Variants in DIABLO observed in about 807,000 individuals in gnomAD.
The protein encoded by DIABLO is diablo homolog, mitochondrial.
Under a neutral mutation model 31.7 loss-of-function variants are expected in DIABLO, and 32 were observed. The ratio of observed to expected loss-of-function variants is 1.01; its 90% CI spans 0.76 to 1.35. The LOEUF is 1.35. Ranked by LOEUF, DIABLO falls within the 40% of genes most tolerant of loss-of-function variation. The pLI is 0.00. For synonymous variants in DIABLO, 132 were observed against 103.2 expected (o/e 1.28, Z -1.69); for missense variants, 316 against 286.4 (o/e 1.10, Z -0.75).
rs371241484 is a variant in DIABLO, at chr12:122,208,422, G to T, written c.679C>A (p.Arg227=). 6.2e-7 allele frequency: 1 copy of T among 1,613,466 alleles called. No individual in the cohort carries two copies. ...RQKTQEEGEE[R]AESEQEAYLR... is the part of the protein sequence containing the mutation. ...TAGGCCTCCTGCTCCGACTCAGCCCGCTCCTCCCCTTCCTCCTGTGTTTTC... is the reference window on the plus strand; with the variant it reads ...TAGGCCTCCTGCTCCGACTCAGCCCTCTCCTCCCCTTCCTCCTGTGTTTTC... The change falls in exon 6 of 6, where the codon CGG becomes AGG. Residue 227 remains arginine (R), a synonymous_variant. Transcript: ENST00000464942.
chr12:122,211,037 T>TCA (rs908842825), intron 5 of DIABLO, among the ~76,000 whole-genome samples: 9 of 117,308 alleles, frequency 7.7e-5, no homozygotes, highest in South Asian at 5.9e-4. Context: ...CCTGTCTCTC[T>TCA]CACACACACA....
In DIABLO at chr12:122,208,113, T is replaced by C; in HGVS notation, c.*268A>G. 1 of 655,190 alleles carries C rather than the reference T, an allele frequency of 1.5e-6. No homozygotes were observed. Among genetic ancestry groups the C allele is most frequent in the Non-Finnish European group, 2.8e-6 (1 of 356,142 alleles). 40.6% of individuals were successfully genotyped at this position (655,190 alleles called of 1,614,324 possible). On this transcript the variant is annotated 3_prime_UTR_variant, in exon 6 of 6. Coordinates refer to ENST00000464942, the MANE Select transcript of DIABLO (RefSeq NM_001371333.1). ...CCAGGTAGGCAAAATGCTTTGGGTG[T>C]GAGGTAAAAAAAATGGGTAAGAGCA...
chr12:122,214,802 AC>A (rs1954168596), intron 5 of DIABLO, among the ~76,000 whole-genome samples: 2 of 151,342 alleles, frequency 1.3e-5, no homozygotes, highest in Admixed American at 6.6e-5. Context: ...TGCAGCCTCC[AC>A]CCCCTGGGTT....
chr12:122,213,327 C>G (rs949341453), intron 5 of DIABLO, among the ~76,000 whole-genome samples: 15 of 151,920 alleles, frequency 9.9e-5, no homozygotes, highest in African/African-American at 3.4e-4. Flanking sequence ...CTCAGGAGTT[C>G]AAGACCAGCC....
intron 5 of DIABLO, 107 bp from the exon 6 acceptor site, chr12:122,208,684 GT>G: frequency 8.6e-7 from 1 of 1,167,778 alleles, no homozygotes; most frequent in Middle Eastern, 1.9e-4. Context: ...CCCTCTTGGG[GT>G]CACTTTCCTT....
Position 122,208,531 on chromosome 12 carries a change from C to G in DIABLO, c.570G>C (p.Val190=), listed in dbSNP as rs1953993057. ...GGTGCACCTCTTCCACCTGCAGTTT[C>G]ACCAGCTGAATGTGATTCCTGGCGG... ...SITARNHIQL[V]KLQVEEVHQL... is the part of the protein sequence containing the mutation. The change falls in exon 6 of 6, where the codon GTG becomes GTC. Residue 190 remains valine (V), a synonymous_variant. Transcript: ENST00000464942. 2 of 1,613,920 alleles carry G rather than the reference C, an allele frequency of 1.2e-6. No homozygotes were observed. The highest frequency in any genetic ancestry group is 8.5e-7 in the Non-Finnish European group (1 of 1,180,048).
At chr12:122,209,979 A>G (rs1218156469) in intron 5 of DIABLO, 2 of 584,750 alleles carry the variant, frequency 3.4e-6, no homozygotes, top group East Asian at 2.8e-5. Context: ...TGTTTTGGGC[A>G]TATGTTAAGT....
intron 5 of DIABLO, 188 bp from the exon 6 acceptor site, chr12:122,208,765 T>G: frequency 1.4e-6 from 1 of 704,028 alleles, no homozygotes; most frequent in East Asian, 2.8e-5. Context: ...TAACTGACAC[T>G]CTGTCAAAAA....
At chr12:122,218,748 T>C (rs1482453265) in intron 2 of DIABLO, 14 of 324,044 alleles carry the variant, frequency 4.3e-5, no homozygotes. Context: ...GAGACGATCC[T>C]GGCCAACATG....
At chr12:122,208,638 A>G in intron 5 of DIABLO, 61 bp from the exon 6 acceptor site, 2 of 1,563,376 alleles carry the variant, frequency 1.3e-6, no homozygotes, top group Non-Finnish European at 1.7e-6. Context: ...GCTCATGTGG[A>G]CGTTGGCCTG....
chr12:122,224,431 G>C, intron 2 of DIABLO, 81 bp downstream of exon 2: 1 of 1,608,780 alleles, frequency 6.2e-7, no homozygotes, highest in Non-Finnish European at 8.5e-7. Context: ...AACTATGGTA[G>C]CTTGTCTAAT....
At chr12:122,226,427 C>G (rs1185593694), upstream of DIABLO, 3 of 694,132 alleles carry the variant, frequency 4.3e-6, no homozygotes, top group Non-Finnish European at 5.2e-6. Flanking sequence ...GGCGACGGCG[C>G]TGTCACTTCA....
chr12:122,226,789 TGAG>T, upstream of DIABLO: 1 of 533,860 alleles, frequency 1.9e-6, no homozygotes, highest in East Asian at 3.2e-5. Context: ...TGATCCGGGC[TGAG>T]GAGGCAGAAG....
chr12:122,216,694 C>T, intron 4 of DIABLO, 65 bp downstream of exon 4: 1 of 1,562,330 alleles, frequency 6.4e-7, no homozygotes, highest in Non-Finnish European at 8.8e-7. Flanking sequence ...AGACTTAATT[C>T]AATAATTTAG....
rs60645708 is a variant in DIABLO at position 122,215,883 on chromosome 12, GAAA to G, written c.523+602_523+604del. 6.7e-3 allele frequency among the ~76,000 whole-genome samples: 632 copies of G among 94,258 alleles called. 4 individuals carry two copies. The highest frequency in any genetic ancestry group is 0.02 in the African/African-American group (569 of 27,926). The allele number at this position is 94,258 out of a possible 152,430, so 61.8% of individuals were successfully genotyped here. On this transcript the variant is annotated intron_variant, in intron 5 of 5. Transcript: ENST00000464942. ...AAAACCCCATCTCTATTTTATGAAG[GAAA>G]AAAAAAAAAAAAAAAAAAAGACCTA... is the stretch of plus-strand genomic sequence containing the variant.
At chr12:122,220,244 C>G (rs1231594063) in intron 2 of DIABLO, among the ~76,000 whole-genome samples, 1 of 152,020 alleles carries the variant, frequency 6.6e-6, no homozygotes, top group African/African-American at 2.4e-5. Context: ...CCATGCCCAC[C>G]CTGACCTCAG....
intron 5 of DIABLO, among the ~76,000 whole-genome samples, chr12:122,214,257 T>C (rs893773387): frequency 6.6e-6 from 1 of 152,158 alleles, no homozygotes; most frequent in African/African-American, 2.4e-5. Context: ...CTCACCTCAC[T>C]GCAACCTCTG....
rs1954076708 is a variant in DIABLO, at chr12:122,211,077, T to TTA, written c.524-2501_524-2500insTA. On this transcript the variant is annotated intron_variant, in intron 5 of 5. Coordinates refer to ENST00000464942, the MANE Select transcript of DIABLO (RefSeq NM_001371333.1). ...TGATTTTCCTTTGTTTAGTTAAAAG[T>TTA]AAAAAAAAAAAAAAAAAAAAAAAAA... 4.2e-4 allele frequency among the ~76,000 whole-genome samples: 6 copies of TTA among 14,340 alleles called. No individual in the cohort carries two copies. In the Admixed American group the frequency reaches 5.8e-3, roughly 14 times the overall value. 9.4% of individuals were successfully genotyped at this position (14,340 alleles called of 152,430 possible).
At chr12:122,225,940 C>A in intron 1 of DIABLO, 25 bp downstream of exon 1, 1 of 1,579,050 alleles carries the variant, frequency 6.3e-7, no homozygotes. Context: ...CTGGTCCTGT[C>A]CCCTCTACGC....
Sources: allele counts gnomAD v4.1 joint callset (sites outside exome capture counted in the v4.1 genomes callset), GRCh38; gene constraint gnomAD v4.1.1; transcripts MANE v1.5; gene names NCBI Gene and HGNC (gene_info 2026-07-23, HGNC 2026-07-21).